Variants in NUP88 observed in about 807,000 individuals in gnomAD.
NUP88 encodes the protein nucleoporin 88, also known as nuclear pore complex protein Nup88.
A neutral mutation model predicts 93.9 loss-of-function variants in NUP88; 57 were observed. That is an observed-to-expected ratio of 0.61 (90% confidence interval 0.49 to 0.76). The LOEUF is 0.76. Among genes scored for constraint, NUP88 ranks in the 30% least tolerant of loss-of-function variants. The probability of loss-of-function intolerance (pLI) is 0.00; values close to 1 mark genes in which losing one functional copy is unlikely to be tolerated. For missense variants in NUP88, 911 were observed against 901.0 expected, an observed-to-expected ratio of 1.01 and a Z score of -0.14; for synonymous variants, 346 against 336.8, an observed-to-expected ratio of 1.03 and a Z score of -0.30.
At chr17:5,391,063 C>G (rs1051786386) in intron 10 of NUP88, among the ~76,000 whole-genome samples, 3 of 152,130 alleles carry the variant, frequency 2.0e-5, no homozygotes, top group African/African-American at 7.2e-5. Flanking sequence ...GTATGGACTT[C>G]TGAGTCAATG....
intron 5 of NUP88, among the ~76,000 whole-genome samples, chr17:5,406,484 T>C (rs1304824746): frequency 6.6e-6 from 1 of 152,184 alleles, no homozygotes; most frequent in East Asian, 1.9e-4. Flanking sequence ...AGTATATCAC[T>C]AGAGGTTTAA....
chr17:5,394,853 A>G, intron 9 of NUP88, 38 bp downstream of exon 9: 1 of 1,345,992 alleles, frequency 7.4e-7, no homozygotes, highest in South Asian at 1.2e-5. Flanking sequence ...TGAAATGAAC[A>G]ATTGTTTTCT....
At chr17:5,408,569 C>G (rs1913632420) in intron 5 of NUP88, among the ~76,000 whole-genome samples, 164 bp downstream of exon 5, 1 of 152,160 alleles carries the variant, frequency 6.6e-6, no homozygotes, top group Non-Finnish European at 1.5e-5. Flanking sequence ...AATGAAAGGC[C>G]AAATGACCTG....
At chr17:5,392,030 G>A (rs1912472009) in intron 9 of NUP88, among the ~76,000 whole-genome samples, 1 of 152,218 alleles carries the variant, frequency 6.6e-6, no homozygotes, top group Admixed American at 6.5e-5. Flanking sequence ...GAACTACCGA[G>A]TCTCTCTCAA....
chr17:5,406,033 T>C (rs182371966), intron 5 of NUP88, among the ~76,000 whole-genome samples: 2 of 152,228 alleles, frequency 1.3e-5, no homozygotes, highest in East Asian at 1.9e-4. Context: ...CATATTAAAT[T>C]TGATTTGACA....
chr17:5,419,435 G>T lies in NUP88; in HGVS notation c.216C>A (p.Asp72Glu). ...CGACTAAGAAGGAGCTGTCTTCTCCGTCCCACAGGAAAAGCTCTCCGCCGA... is the reference window on the plus strand; with the variant it reads ...CGACTAAGAAGGAGCTGTCTTCTCCTTCCCACAGGAAAAGCTCTCCGCCGA... ...FGLGGELFLW[D>E]GEDSSFLVVR... Residue 72 changes from aspartate (D) to glutamate (E), a missense_variant, in exon 1 of 17, where the codon GAC becomes GAA. Asp to Glu is a conservative substitution (Grantham distance 45, BLOSUM62 2). Transcript: ENST00000573584. 1 of 1,613,872 alleles carries T rather than the reference G, an allele frequency of 6.2e-7. No individual in the cohort carries two copies. The highest frequency in any genetic ancestry group is 8.5e-7 in the Non-Finnish European group (1 of 1,179,916).
intron 2 of NUP88, among the ~76,000 whole-genome samples, chr17:5,416,158 A>AGTGT (rs1398677145): frequency 4.3e-5 from 4 of 94,040 alleles, no homozygotes; most frequent in African/African-American, 1.6e-4. Context: ...AAAAAAAAAA[A>AGTGT]AAAAAAAAGT....
rs143074223 is a variant in NUP88, at chr17:5,414,013, T to A, written c.589A>T (p.Ile197Phe). The A allele has an allele frequency of 1.7e-5, 27 of 1,613,528 alleles. No individual in the cohort carries two copies. The highest frequency in any genetic ancestry group is 1.9e-5 in the Non-Finnish European group (23 of 1,179,666). ...AGAGAGAGAAATAAAATTTACCTGA[T>A]TACGTTGTCTGATGTTAACAGCACT... ...HVVLLTSDNV[I>F]RIYSLREPQT... The change falls in exon 3 of 17, where the codon ATC becomes TTC. Residue 197 changes from isoleucine (I) to phenylalanine (F), a missense_variant. Transcript: ENST00000573584.
At chr17:5,388,184 A>G (rs1056618285) in intron 11 of NUP88, 7 of 228,114 alleles carry the variant, frequency 3.1e-5, no homozygotes, top group Non-Finnish European at 6.1e-5. Context: ...CATTTTTAGT[A>G]GAGACAGGGT....
intron 10 of NUP88, among the ~76,000 whole-genome samples, chr17:5,390,968 C>T: frequency 6.6e-6 from 1 of 152,126 alleles, no homozygotes; most frequent in East Asian, 1.9e-4. Context: ...CACCACTGCA[C>T]CCAGCCTGAG....
intron 3 of NUP88, among the ~76,000 whole-genome samples, chr17:5,413,247 CA>C (rs1194111309): frequency 2.0e-5 from 3 of 152,170 alleles, no homozygotes; most frequent in African/African-American, 7.2e-5. Flanking sequence ...GCTGGGATTA[CA>C]GGTGTGAGCC....
At chr17:5,408,330 T>C (rs1913614636) in intron 5 of NUP88, among the ~76,000 whole-genome samples, 1 of 152,336 alleles carries the variant, frequency 6.6e-6, no homozygotes, top group Admixed American at 6.5e-5. Flanking sequence ...GGGTTCTTAC[T>C]GTCTGTGTAC....
intron 5 of NUP88, 37 bp downstream of exon 5, chr17:5,408,696 G>C: frequency 6.6e-7 from 1 of 1,516,918 alleles, no homozygotes; most frequent in Non-Finnish European, 8.9e-7. Flanking sequence ...AGCCCAAACT[G>C]AGTTTTCATT....
chr17:5,387,502 A>C (rs758238730), intron 13 of NUP88, 36 bp from the exon 14 acceptor site: 2 of 1,607,298 alleles, frequency 1.2e-6, no homozygotes, highest in South Asian at 2.2e-5. Context: ...CTTGAGGTCC[A>C]CCCCTTGATG....
intron 2 of NUP88, among the ~76,000 whole-genome samples, chr17:5,414,939 C>G (rs1914051199): frequency 6.6e-6 from 1 of 151,540 alleles, no homozygotes; most frequent in African/African-American, 2.4e-5. Flanking sequence ...TGCACTCCAG[C>G]TTGGGCTACA....
At chr17:5,399,680 G>T (rs747280441) in intron 7 of NUP88, 30 bp from the exon 8 acceptor site, 4 of 1,239,884 alleles carry the variant, frequency 3.2e-6, no homozygotes, top group African/African-American at 1.5e-5. Context: ...TGATACAAAG[G>T]TAGCCAGTGG....
chr17:5,399,883 T>C (rs998178670), intron 7 of NUP88, among the ~76,000 whole-genome samples: 6 of 152,150 alleles, frequency 3.9e-5, no homozygotes, highest in East Asian at 1.9e-4. Context: ...TTCCAGACCA[T>C]TGCAATAAAG....
Position 5,385,946 on chromosome 17 carries a change from G to C in NUP88, c.*260C>G. The C allele has an allele frequency of 2.4e-6, 1 of 421,238 alleles. No homozygotes were observed. The highest frequency in any genetic ancestry group is 4.2e-6 in the Non-Finnish European group (1 of 239,776). 26.1% of individuals were successfully genotyped at this position (421,238 alleles called of 1,614,324 possible). On this transcript the variant is annotated 3_prime_UTR_variant, in exon 17 of 17. Coordinates refer to ENST00000573584, the MANE Select transcript of NUP88 (RefSeq NM_002532.6). The stretch of plus-strand genomic sequence containing the variant: ...TATGGAGAAAACTCAATAGGGTTCA[G>C]GGAGGTTCTGGCAGTGTGCAGTGTG...
rs377302147 is a variant in NUP88 at position 5,404,130 on chromosome 17, A to G, written c.1161T>C (p.Ser387=). ...LASGEDDPFD[S]DFSCPVKLHR... ...GAAGTTTGACTGGACAAGAAAAGTCAGAATCAAAAGGGTCATCCTCTCCAG... is the reference window on the plus strand; with the variant it reads ...GAAGTTTGACTGGACAAGAAAAGTCGGAATCAAAAGGGTCATCCTCTCCAG... The change falls in exon 7 of 17, where the codon TCT becomes TCC. Residue 387 remains serine, a synonymous_variant. Transcript: ENST00000573584. 3.1e-5 allele frequency: 50 copies of G among 1,614,066 alleles called. No homozygotes were observed. The highest frequency in any genetic ancestry group is 4.2e-5 in the Non-Finnish European group (49 of 1,180,010).
Sources: allele counts gnomAD v4.1 joint callset (sites outside exome capture counted in the v4.1 genomes callset), GRCh38; gene constraint gnomAD v4.1.1; transcripts MANE v1.5; gene names NCBI Gene and HGNC (gene_info 2026-07-23, HGNC 2026-07-21).